Variants in CDH18 observed in about 807,000 individuals in gnomAD.
CDH18 encodes cadherin 18, also known as cadherin-18.
Under a neutral mutation model 67.9 loss-of-function variants are expected in CDH18, and 31 were observed. That is an observed-to-expected ratio of 0.46 (90% CI 0.34 to 0.62). The LOEUF (loss-of-function observed/expected upper bound fraction) is 0.62, where lower values mean the gene tolerates loss of function less well. Ranked by LOEUF, CDH18 falls within the 20% of genes least tolerant of loss-of-function variation. CDH18 has a pLI of 0.01. For synonymous variants in CDH18, 362 were observed against 347.2 expected (o/e 1.04, Z -0.48); for missense variants, 890 against 975.5 (o/e 0.91, Z 1.17).
At chr5:19,509,588 T>C (rs1333002544) in intron 10 of CDH18, among the ~76,000 whole-genome samples, 3 of 152,154 alleles carry the variant, frequency 2.0e-5, no homozygotes, top group Non-Finnish European at 4.4e-5. Flanking sequence ...AGAATCTCTA[T>C]TGACCTAGTT....
chr5:20,476,267 A>G (rs1752435577), intron 1 of CDH18, among the ~76,000 whole-genome samples: 1 of 152,058 alleles, frequency 6.6e-6, no homozygotes, highest in African/African-American at 2.4e-5. Flanking sequence ...TTTTGCTGAG[A>G]TGAATTATTT....
chr5:19,752,321 A>G (rs1308669839), intron 3 of CDH18, among the ~76,000 whole-genome samples: 2 of 152,026 alleles, frequency 1.3e-5, no homozygotes, highest in East Asian at 3.9e-4. Flanking sequence ...CTGGAAACAG[A>G]CTAGATGCTA....
At chr5:20,412,521 A>G (rs1206403941) in intron 1 of CDH18, among the ~76,000 whole-genome samples, 1 of 152,248 alleles carries the variant, frequency 6.6e-6, no homozygotes, top group Admixed American at 6.5e-5. Context: ...AATTAAAGCA[A>G]AGAGCTTCTG....
chr5:20,548,033 T>G (rs2126611137), intron 1 of CDH18, among the ~76,000 whole-genome samples: 1 of 142,138 alleles, frequency 7.0e-6, no homozygotes, highest in East Asian at 2.2e-4. Context: ...AATACTGATT[T>G]AATGCATGCT....
chr5:20,534,674 C>T (rs1327560025), intron 1 of CDH18, among the ~76,000 whole-genome samples: 1 of 151,920 alleles, frequency 6.6e-6, no homozygotes, highest in African/African-American at 2.4e-5. Flanking sequence ...TATTTTTTCA[C>T]CTATGCCATA....
At position 20,095,193 on chromosome 5, in the gene CDH18, T is replaced by C. The variant is rs111487263; in HGVS notation, c.-517-103179A>G. 2.2e-3 allele frequency among the ~76,000 whole-genome samples: 327 copies of C among 151,168 alleles called. 1 individual carries two copies. Among genetic ancestry groups the C allele is most frequent in the African/African-American group, 7.5e-3 (307 of 41,126 alleles). On this transcript the variant is annotated intron_variant, in intron 2 of 14. Coordinates refer to the CDH18 transcript ENST00000507958. Reference sequence around the variant, plus strand: ...AAGGGAGGGATAACATTAGGAGAAATACCTAATGTAGATGACGGGTTGATG... The same window carrying C: ...AAGGGAGGGATAACATTAGGAGAAACACCTAATGTAGATGACGGGTTGATG...
chr5:19,556,953 C>T (rs1309083676), intron 8 of CDH18, among the ~76,000 whole-genome samples: 1 of 152,092 alleles, frequency 6.6e-6, no homozygotes, highest in Non-Finnish European at 1.5e-5. Flanking sequence ...AGAAATCCTA[C>T]AAGCTAGAAG....
At chr5:20,180,533 G>T (rs554270300) in intron 2 of CDH18, among the ~76,000 whole-genome samples, 2 of 152,246 alleles carry the variant, frequency 1.3e-5, no homozygotes, top group East Asian at 3.9e-4. Context: ...TCTTATCTCT[G>T]TATAGTGTAC....
intron 2 of CDH18, among the ~76,000 whole-genome samples, chr5:20,101,702 G>C (rs1746482125): frequency 6.6e-6 from 1 of 152,160 alleles, no homozygotes; most frequent in Non-Finnish European, 1.5e-5. Context: ...AAACCATAGA[G>C]GTATTGCCAG....
At chr5:20,546,772 T>C (rs990390230) in intron 1 of CDH18, among the ~76,000 whole-genome samples, 3 of 115,948 alleles carry the variant, frequency 2.6e-5, no homozygotes, top group African/African-American at 9.6e-5. Flanking sequence ...CACACACATA[T>C]GTGCATATAT....
intron 1 of CDH18, among the ~76,000 whole-genome samples, chr5:20,297,627 T>C (rs7723189): frequency 0.042 from 6,468 of 152,284 alleles, 331 homozygotes; most frequent in African/African-American, 0.12. Context: ...TGCTGCTAAA[T>C]ATACAATTTG....
chr5:19,745,669 A>G (rs1323655654), intron 4 of CDH18, among the ~76,000 whole-genome samples: 1 of 152,134 alleles, frequency 6.6e-6, no homozygotes, highest in Non-Finnish European at 1.5e-5. Context: ...TAAGCCCGAC[A>G]GTATTCTGGG....
intron 2 of CDH18, among the ~76,000 whole-genome samples, chr5:20,236,755 T>A (rs1236035969): frequency 6.6e-6 from 1 of 152,048 alleles, no homozygotes; most frequent in East Asian, 1.9e-4. Context: ...TTCCAAATAT[T>A]GTAAGAAGAA....
chr5:19,876,258 G>A (rs569461889), intron 2 of CDH18, among the ~76,000 whole-genome samples: 36 of 152,210 alleles, frequency 2.4e-4, no homozygotes, highest in African/African-American at 8.7e-4. Context: ...TTGATAACTT[G>A]AGTCTCAGAT....
chr5:20,477,901 T>C (rs1246015585), intron 1 of CDH18, among the ~76,000 whole-genome samples: 2 of 152,104 alleles, frequency 1.3e-5, no homozygotes, highest in African/African-American at 2.4e-5. Flanking sequence ...GTCTTACAAC[T>C]TGGATATCAG....
intron 6 of CDH18, among the ~76,000 whole-genome samples, chr5:19,592,854 A>G (rs559210717): frequency 6.6e-6 from 1 of 151,810 alleles, no homozygotes; most frequent in Non-Finnish European, 1.5e-5. Flanking sequence ...GGTAACAACC[A>G]CTCCATTCTT....
chr5:19,949,840 T>A (rs1426083699), intron 2 of CDH18, among the ~76,000 whole-genome samples: 1 of 151,976 alleles, frequency 6.6e-6, no homozygotes, highest in East Asian at 1.9e-4. Context: ...CTACTTGGAA[T>A]CTACCCAGAG....
chr5:19,996,059 T>A (rs556012026), intron 2 of CDH18, among the ~76,000 whole-genome samples: 16 of 152,152 alleles, frequency 1.1e-4, no homozygotes, highest in Middle Eastern at 3.4e-3. Context: ...CAAAAAAGGG[T>A]TATTTTATTA....
chr5:19,712,935 C>G (rs922737127), intron 5 of CDH18, among the ~76,000 whole-genome samples: 10 of 151,582 alleles, frequency 6.6e-5, no homozygotes, highest in African/African-American at 2.2e-4. Context: ...AAAGAAAAAT[C>G]AAATTGCTTG....
Sources: allele counts gnomAD v4.1 joint callset (sites outside exome capture counted in the v4.1 genomes callset), GRCh38; gene constraint gnomAD v4.1.1; transcripts MANE v1.5; gene names NCBI Gene and HGNC (gene_info 2026-07-23, HGNC 2026-07-21).